The following CKAP5 variants were observed in gnomAD, a reference collection of about 807,000 sequenced individuals.
The protein encoded by CKAP5 is cytoskeleton-associated protein 5.
A neutral mutation model predicts 232.8 loss-of-function variants in CKAP5; 27 were observed. The observed-to-expected ratio is 0.12, with a 90% CI of 0.09 to 0.16. The LOEUF is 0.16. CKAP5 is among the 10% of genes least tolerant of loss of function. CKAP5 has a pLI of 1.00. For missense variants in CKAP5, 1,838 were observed against 2,424.7 expected (o/e 0.76, Z 5.08); for synonymous variants, 785 against 841.1 (o/e 0.93, Z 1.16).
At chr11:46,766,632 AGATTC>A (rs2065204767) in intron 27 of CKAP5, among the ~76,000 whole-genome samples, 1 of 151,608 alleles carries the variant, frequency 6.6e-6, no homozygotes, top group African/African-American at 2.4e-5. Context: ...ACTTACTATT[AGATTC>A]ATTACCCATT....
intron 13 of CKAP5, among the ~76,000 whole-genome samples, chr11:46,790,945 C>G (rs1399683932): frequency 3.9e-5 from 6 of 152,124 alleles, no homozygotes; most frequent in African/African-American, 7.2e-5. Context: ...ATCACTGAAC[C>G]CGGCCTAAAA....
At chr11:46,832,538 A>G (rs866214632) in intron 1 of CKAP5, among the ~76,000 whole-genome samples, 78 of 152,318 alleles carry the variant, frequency 5.1e-4, no homozygotes, top group African/African-American at 1.8e-3. Flanking sequence ...GCTGATCCTC[A>G]GTTTTATCAA....
At chr11:46,783,499 A>G in intron 17 of CKAP5, 131 bp from the exon 18 acceptor site, 1 of 592,390 alleles carries the variant, frequency 1.7e-6, no homozygotes, top group Non-Finnish European at 3.0e-6. Context: ...CCTTAGGAAC[A>G]AGAGTGAACC....
At chr11:46,801,424 C>CT in intron 8 of CKAP5, 120 bp from the exon 9 acceptor site, 1 of 676,540 alleles carries the variant, frequency 1.5e-6, no homozygotes, top group East Asian at 3.2e-5. Flanking sequence ...AATCCCAGCA[C>CT]TTTGGGAGGC....
At chr11:46,828,016 C>T (rs1250275664) in intron 1 of CKAP5, among the ~76,000 whole-genome samples, 1 of 152,206 alleles carries the variant, frequency 6.6e-6, no homozygotes, top group Non-Finnish European at 1.5e-5. Context: ...TGAATCAACA[C>T]ACCTCCTTAA....
chr11:46,768,875 TA>T (rs2065225263), intron 26 of CKAP5, among the ~76,000 whole-genome samples: 1 of 152,186 alleles, frequency 6.6e-6, no homozygotes. Context: ...GCAGTAAGTC[TA>T]AAAATGAATT....
intron 25 of CKAP5, 103 bp downstream of exon 25, chr11:46,770,685 T>C: frequency 1.9e-6 from 2 of 1,061,166 alleles, no homozygotes; most frequent in South Asian, 1.6e-5. Flanking sequence ...TGTCTCGGCC[T>C]CCCAAAGTGT....
intron 28 of CKAP5, among the ~76,000 whole-genome samples, chr11:46,763,856 A>G (rs1371289761): frequency 6.6e-6 from 1 of 152,198 alleles, no homozygotes; most frequent in Non-Finnish European, 1.5e-5. Flanking sequence ...TTTTTGAGAC[A>G]GAGTCTCACC....
chr11:46,776,450 T>C, intron 23 of CKAP5, 67 bp from the exon 24 acceptor site: 1 of 1,359,254 alleles, frequency 7.4e-7, no homozygotes. Flanking sequence ...GTGATCACTG[T>C]TGCTTTATGA....
chr11:46,797,705 C>T, intron 11 of CKAP5, 100 bp downstream of exon 11: 3 of 1,206,050 alleles, frequency 2.5e-6, no homozygotes, highest in Non-Finnish European at 3.5e-6. Flanking sequence ...AGATCATAAC[C>T]TCTATAGTCT....
chr11:46,801,298 C>T lies in CKAP5; in HGVS notation c.985G>A (p.Gly329Arg), dbSNP rs777123775. 1.9e-6 allele frequency: 3 copies of T among 1,611,038 alleles called. No individual in the cohort carries two copies. The highest frequency in any genetic ancestry group is 2.5e-6 in the Non-Finnish European group (3 of 1,177,400). ...DLVKALKKVVGKDTNVMLVAL... is the reference protein window; with the variant it reads ...DLVKALKKVVRKDTNVMLVAL... ...ACCAACATGACATTGGTGTCCTTTC[C>T]AACAACCTACAAAGGGGGGTAAAAA... The change falls in exon 9 of 44, where the codon GGA (glycine) becomes AGA (arginine). Residue 329 changes from glycine (G) to arginine (R), a missense_variant. Around this residue, in one of 6 missense-constraint regions of CKAP5, gnomAD observed 97 missense variants for 167.7 expected, o/e 0.58. Transcript: ENST00000529230.
Position 46,790,467 on chromosome 11 carries a change from G to T in CKAP5, c.1764+3C>A. 1 of 1,602,406 alleles carries T rather than the reference G, an allele frequency of 6.2e-7. No individual in the cohort carries two copies. The highest frequency in any genetic ancestry group is 1.1e-5 in the South Asian group (1 of 90,668). ...TTTTCAGGCTCAGTGTGTTAATACTGACCGAGAGCTCAGGCTCCACTATTT... is the reference window on the plus strand; with the variant it reads ...TTTTCAGGCTCAGTGTGTTAATACTTACCGAGAGCTCAGGCTCCACTATTT... On this transcript the variant is annotated splice_donor_region_variant and intron_variant, in intron 14 of 43. Transcript: ENST00000529230.
At position 46,776,309 on chromosome 11, in the gene CKAP5, T is replaced by A; in HGVS notation, c.2937A>T (p.Glu979Asp). 1.2e-6 allele frequency: 2 copies of A among 1,614,048 alleles called. No individual in the cohort carries two copies. The highest frequency in any genetic ancestry group is 4.5e-5 in the East Asian group (2 of 44,864). Reference sequence around the variant, plus strand: ...TGAGCTCTTCAGAAAGATCTTCTCCTTCCAGCCATTCCTTCATGCCAGTCT... The same window carrying A: ...TGAGCTCTTCAGAAAGATCTTCTCCATCCAGCCATTCCTTCATGCCAGTCT... ...AEQTGMKEWL[E>D]GEDLSEELKK... Residue 979 changes from glutamate to aspartate, a missense_variant, in exon 24 of 44, where the codon GAA becomes GAT. Physicochemically the swap from Glu to Asp is conservative, Grantham distance 45. Coordinates refer to ENST00000529230, the MANE Select transcript of CKAP5 (RefSeq NM_001008938.4).
intron 1 of CKAP5, among the ~76,000 whole-genome samples, chr11:46,826,079 T>C (rs1375923146): frequency 1.1e-4 from 16 of 152,242 alleles, no homozygotes; most frequent in Admixed American, 1.0e-3. Flanking sequence ...AACAGTTTTC[T>C]AGCAGATTAT....
rs778203027 is a variant in CKAP5, at chr11:46,797,800, T to C, written c.1338+5A>G. The C allele has an allele frequency of 6.3e-7, 1 of 1,598,542 alleles. No individual in the cohort carries two copies. Among genetic ancestry groups the C allele is most frequent in the Non-Finnish European group, 8.5e-7 (1 of 1,176,174 alleles). ...TATTCCCCCAACTTCAAAGAGAGTC[T>C]GTACCTTAAGTAGTGCAGCACAAAA... On this transcript the variant is annotated splice_donor_5th_base_variant and intron_variant, in intron 11 of 43. Transcript: ENST00000529230.
At chr11:46,795,534 C>CCA in intron 13 of CKAP5, 60 bp downstream of exon 13, 1 of 1,403,420 alleles carries the variant, frequency 7.1e-7, no homozygotes, top group Non-Finnish European at 9.7e-7. Context: ...AGAGGAACAA[C>CCA]CACGAACCTG....
At chr11:46,808,215 C>T in intron 7 of CKAP5, 71 bp from the exon 8 acceptor site, 2 of 981,968 alleles carry the variant, frequency 2.0e-6, no homozygotes. Flanking sequence ...TTATTGCACT[C>T]TGCTAATTCA....
At chr11:46,780,160 C>T in intron 20 of CKAP5, 34 bp downstream of exon 20, 1 of 1,611,798 alleles carries the variant, frequency 6.2e-7, no homozygotes, top group Non-Finnish European at 8.5e-7. Flanking sequence ...TTCTCAAGTC[C>T]ACTAACAGAT....
chr11:46,802,547 CAG>C lies in CKAP5; in HGVS notation c.979-1245_979-1244del, dbSNP rs1939053183. Among the ~76,000 whole-genome samples the C allele has an allele frequency of 4.4e-5, 6 of 135,082 alleles. No homozygotes were observed. In the South Asian group the frequency reaches 8.8e-4, roughly 20 times the overall value. 88.6% of individuals were successfully genotyped at this position (135,082 alleles called of 152,430 possible). ...TACCAGAGCAAGACAGACAGACAGA[CAG>C]ACAGACAGACACACACACACACACA... is the stretch of plus-strand genomic sequence containing the variant. On this transcript the variant is annotated intron_variant, in intron 8 of 43. Transcript: ENST00000529230.
Sources: gnomAD v4.1 joint callset for allele counts (sites outside exome capture counted in the v4.1 genomes callset) on GRCh38, gnomAD v4.1.1 for gene constraint, gnomAD v4.1.1 regional missense constraint, MANE v1.5 for transcripts, NCBI Gene and HGNC (gene_info 2026-07-23, HGNC 2026-07-21) for gene names.